Variants in MMEL1 observed in about 807,000 individuals in gnomAD.
The protein encoded by MMEL1 is membrane metalloendopeptidase like 1.
Under a neutral mutation model 117.1 loss-of-function variants are expected in MMEL1, and 98 were observed. That is an observed-to-expected ratio of 0.84 (90% CI 0.71 to 0.99). The LOEUF is 0.99. Ranked by LOEUF, MMEL1 falls within the 50% of genes least tolerant of loss-of-function variation. MMEL1 has a pLI of 0.00. For missense variants in MMEL1, 1,014 were observed against 1,049.1 expected, an observed-to-expected ratio of 0.97 and a Z score of 0.46; for synonymous variants, 390 against 415.1, an observed-to-expected ratio of 0.94 and a Z score of 0.74.
At chr1:2,617,413 A>T (rs10752749) in intron 2 of MMEL1, among the ~76,000 whole-genome samples, 6 of 131,136 alleles carry the variant, frequency 4.6e-5, no homozygotes, top group East Asian at 4.4e-4. Flanking sequence ...GGCGACAGAG[A>T]GAGACTCCGT....
intron 4 of MMEL1, among the ~76,000 whole-genome samples, chr1:2,610,642 G>A (rs1204133466): frequency 6.6e-6 from 1 of 152,200 alleles, no homozygotes; most frequent in East Asian, 1.9e-4. Context: ...GGTTGGCTTT[G>A]CCCCAGGAAC....
Position 2,596,620 on chromosome 1 carries a change from C to T in MMEL1, c.1342G>A (p.Glu448Lys). Residue 448 changes from glutamate (E) to lysine (K), a missense_variant, in exon 14 of 24, where the codon GAG becomes AAG. Transcript: ENST00000378412. ...ECVGYVNSNM[E>K]NAVGSLYVRE... ...ACGTAGAGGGAGCCCACGGCGTTCT[C>T]CATGTTGCTGTTGACGTAGCCCACA... 1 of 1,613,246 alleles carries T rather than the reference C, an allele frequency of 6.2e-7. No homozygotes were observed. Among genetic ancestry groups the T allele is most frequent in the Non-Finnish European group, 8.5e-7 (1 of 1,179,856 alleles).
At position 2,612,060 on chromosome 1, in the gene MMEL1, TCCCCCCA is replaced by T; in HGVS notation, c.232+60_232+66del. On this transcript the variant is annotated intron_variant, in intron 3 of 23. Coordinates refer to ENST00000378412, the MANE Select transcript of MMEL1 (RefSeq NM_033467.4). The surrounding 1 kb of genome is among the most constrained non-coding windows in gnomAD (Gnocchi z 5.4). ...ACCCAGCCCCTGCCCCTCCACGGAG[TCCCCCCA>T]CCTTGGGAGGCCAGCGCCCACCTGC... is the stretch of plus-strand genomic sequence containing the variant. 1 of 1,353,364 alleles carries T rather than the reference TCCCCCCA, an allele frequency of 7.4e-7. No homozygotes were observed. The highest frequency in any genetic ancestry group is 1.2e-5 in the South Asian group (1 of 80,040). 83.8% of individuals were successfully genotyped at this position (1,353,364 alleles called of 1,614,324 possible). A position where few individuals can be genotyped will look rare whatever the true frequency, so the allele number is the denominator to read the frequency against.
intron 23 of MMEL1, 109 bp from the exon 24 acceptor site, chr1:2,591,198 A>C: frequency 1.4e-6 from 1 of 698,314 alleles, no homozygotes; most frequent in Non-Finnish European, 2.3e-6. Context: ...CTAATGGCTC[A>C]TGTCAGTATG....
Position 2,607,049 on chromosome 1 carries a change from A to T in MMEL1, c.556T>A (p.Ser186Thr). The part of the protein sequence containing the change: ...MNQSVIEKRG[S>T]QPLLDILEVV... Reference sequence around the variant, plus strand: ...TCCAAGATGTCCAGCAGGGGCTGAGAGCCTCGCTTCTCTATCACACCTGAG... The same window carrying T: ...TCCAAGATGTCCAGCAGGGGCTGAGTGCCTCGCTTCTCTATCACACCTGAG... The change falls in exon 7 of 24, where the codon TCT (serine) becomes ACT (threonine). Residue 186 changes from serine to threonine, a missense_variant. Ser to Thr is a moderately conservative substitution (Grantham distance 58). Coordinates refer to ENST00000378412, the MANE Select transcript of MMEL1 (RefSeq NM_033467.4). 3 of 1,613,260 alleles carry T rather than the reference A, an allele frequency of 1.9e-6. No individual in the cohort carries two copies. Among genetic ancestry groups the T allele is most frequent in the Non-Finnish European group, 2.5e-6 (3 of 1,179,964 alleles).
At position 2,602,521 on chromosome 1, in the gene MMEL1, C is replaced by G. The variant is rs1017417964; in HGVS notation, c.1041+1363G>C. On this transcript the variant is annotated intron_variant, in intron 11 of 23. Coordinates refer to ENST00000378412, the MANE Select transcript of MMEL1 (RefSeq NM_033467.4). ...AGCCACCTCCACCACGGGCACCCCCCTTGGCAGAGCTGCCATCTCTTGCCC... is the reference window on the plus strand; with the variant it reads ...AGCCACCTCCACCACGGGCACCCCCGTTGGCAGAGCTGCCATCTCTTGCCC... Among the ~76,000 whole-genome samples, 4 of 152,342 alleles carry G rather than the reference C, an allele frequency of 2.6e-5. No homozygotes were observed. The Middle Eastern group carries it at 0.01, about 389-fold the overall frequency.
In MMEL1 at chr1:2,614,215, C is replaced by T. The variant is rs144749508; in HGVS notation, c.155-2011G>A. ...CTGTCAGGGGAATCCCAGGATGAAA[C>T]GCAGAATGAGACTCAAGACAAATGT... On this transcript the variant is annotated intron_variant, in intron 2 of 23. Transcript: ENST00000378412. 1.6e-4 allele frequency among the ~76,000 whole-genome samples: 24 copies of T among 152,260 alleles called. No individual in the cohort carries two copies. The East Asian group carries it at 2.3e-3, about 15-fold the overall frequency.
At chr1:2,603,764 G>C in intron 11 of MMEL1, 120 bp downstream of exon 11, 1 of 858,190 alleles carries the variant, frequency 1.2e-6, no homozygotes. Flanking sequence ...TCCCTGCTCG[G>C]GGATGGGGAA....
intron 21 of MMEL1, 31 bp from the exon 22 acceptor site, chr1:2,592,058 GC>G (rs1644728168): frequency 6.4e-7 from 1 of 1,572,944 alleles, no homozygotes; most frequent in Admixed American, 1.7e-5. Context: ...CTGAGCTCAG[GC>G]CTGCCAGCCT....
intron 8 of MMEL1, 51 bp downstream of exon 8, chr1:2,606,197 C>G (rs757019032): frequency 9.5e-5 from 138 of 1,450,736 alleles, no homozygotes; most frequent in Non-Finnish European, 1.2e-4. Context: ...CAAGAGCCCC[C>G]AGCCAGGCTT....
intron 1 of MMEL1, among the ~76,000 whole-genome samples, chr1:2,631,849 G>C (rs536683428): frequency 1.3e-5 from 2 of 152,062 alleles, no homozygotes; most frequent in South Asian, 4.1e-4. Context: ...CCTGCCACTC[G>C]CTGCCTGTTC....
At chr1:2,606,400 G>A (rs1454165124) in intron 7 of MMEL1, 34 bp from the exon 8 acceptor site, 5 of 1,554,012 alleles carry the variant, frequency 3.2e-6, no homozygotes, top group Admixed American at 1.7e-5. Flanking sequence ...GGAGACTGGC[G>A]GGCCCTGGGG....
chr1:2,613,557 A>G (rs1645160937), intron 2 of MMEL1, among the ~76,000 whole-genome samples: 1 of 152,194 alleles, frequency 6.6e-6, no homozygotes, highest in Non-Finnish European at 1.5e-5. Flanking sequence ...GGGCACTTTT[A>G]GAAACCCACG....
chr1:2,592,677 C>T lies in MMEL1; in HGVS notation c.2045G>A (p.Gly682Glu), dbSNP rs770419715. 1 of 1,607,964 alleles carries T rather than the reference C, an allele frequency of 6.2e-7. No homozygotes were observed. The highest frequency in any genetic ancestry group is 8.5e-7 in the Non-Finnish European group (1 of 1,177,792). Reference sequence around the variant, plus strand: ...CACCTTATAGGCTTGCCGCACCCCTCCGTTGTCAGCAATGTTTTCCCCAAG... The same window carrying T: ...CACCTTATAGGCTTGCCGCACCCCTTCGTTGTCAGCAATGTTTTCCCCAAG... ...NTLGENIADN[G>E]GVRQAYKAYL... is the part of the protein sequence containing the mutation. The change falls in exon 21 of 24, where the codon GGA becomes GAA. Residue 682 changes from glycine (G) to glutamate (E), a missense_variant. Transcript: ENST00000378412.
chr1:2,629,228 G>C (rs1638417826), intron 2 of MMEL1, 103 bp downstream of exon 2: 2 of 1,291,326 alleles, frequency 1.5e-6, no homozygotes, highest in Non-Finnish European at 2.1e-6. Context: ...CCCATCTGAC[G>C]GGCGGGCTCG....
chr1:2,596,805 C>T (rs1644849804), intron 13 of MMEL1, 116 bp from the exon 14 acceptor site: 17 of 1,191,488 alleles, frequency 1.4e-5, no homozygotes, highest in Non-Finnish European at 1.6e-5. Context: ...CAGGGTGCCC[C>T]GGGGCTAGCG....
At chr1:2,597,718 C>T (rs140440581) in intron 13 of MMEL1, among the ~76,000 whole-genome samples, 38 of 152,330 alleles carry the variant, frequency 2.5e-4, no homozygotes, top group African/African-American at 8.9e-4. Context: ...TATCTGACCG[C>T]GTCTCTGCTC....
chr1:2,594,687 C>A, intron 17 of MMEL1, 103 bp downstream of exon 17: 1 of 1,057,820 alleles, frequency 9.5e-7, no homozygotes, highest in East Asian at 2.4e-5. Context: ...TGGCACTGGA[C>A]CCCAGCCACG....
chr1:2,591,440 C>A, intron 23 of MMEL1, 117 bp downstream of exon 23: 1 of 843,606 alleles, frequency 1.2e-6, no homozygotes, highest in Non-Finnish European at 2.0e-6. Context: ...CAGGTTTATT[C>A]CCAAAATAAA....
Sources: allele counts gnomAD v4.1 joint callset (sites outside exome capture counted in the v4.1 genomes callset), GRCh38; gene constraint gnomAD v4.1.1; non-coding constraint Gnocchi (gnomAD v3.1); transcripts MANE v1.5; gene names NCBI Gene and HGNC (gene_info 2026-07-23, HGNC 2026-07-21).